The following CDS2 variants were observed in gnomAD, a reference collection of about 807,000 sequenced individuals.
CDS2 encodes the protein CDP-diacylglycerol synthase 2.
In CDS2, 47 loss-of-function variants were observed where a neutral mutation model predicts 59.0. The ratio of observed to expected loss-of-function variants is 0.80; its 90% CI spans 0.63 to 1.02. The LOEUF is 1.02. CDS2 is among the 50% of genes least tolerant of loss of function. The pLI is 0.00. For missense variants in CDS2, 356 were observed against 558.9 expected (o/e 0.64, Z 3.66); for synonymous variants, 207 against 206.4 (o/e 1.00, Z -0.02).
chr20:5,188,743 T>C (rs1761134994), intron 10 of CDS2, among the ~76,000 whole-genome samples: 1 of 152,172 alleles, frequency 6.6e-6, no homozygotes, highest in African/African-American at 2.4e-5. Flanking sequence ...TGAGGGCTTT[T>C]TATGCTGCAT....
intron 1 of CDS2, among the ~76,000 whole-genome samples, chr20:5,146,618 C>T (rs1052629790): frequency 2.0e-5 from 3 of 152,144 alleles, no homozygotes; most frequent in Non-Finnish European, 4.4e-5. Context: ...CTGGATGTTG[C>T]TGTTATTTAT....
chr20:5,173,865 C>G (rs1037187397), intron 2 of CDS2, among the ~76,000 whole-genome samples: 18 of 152,158 alleles, frequency 1.2e-4, no homozygotes, highest in Admixed American at 1.1e-3. Context: ...GGAGGGCAAC[C>G]AAGGCTGGAA....
rs115717936 is a variant in CDS2 at position 5,162,092 on chromosome 20, C to A, written c.58-11431C>A. ...AAAAATAAGTAGACTGTACAAGCTG[C>A]TGTATACCATGAAATAGTTTATGGA... On this transcript the variant is annotated intron_variant, in intron 1 of 12. Transcript: ENST00000460006. Among the ~76,000 whole-genome samples the A allele has an allele frequency of 5.9e-3, 906 of 152,278 alleles. 11 individuals carry two copies. Among genetic ancestry groups the A allele is most frequent in the African/African-American group, 0.021 (867 of 41,546 alleles).
intron 1 of CDS2, among the ~76,000 whole-genome samples, chr20:5,142,242 T>C (rs2090700468): frequency 6.6e-6 from 1 of 151,824 alleles, no homozygotes; most frequent in African/African-American, 2.4e-5. Context: ...AGGTCAGGAG[T>C]TTGAGACCAC....
intron 1 of CDS2, among the ~76,000 whole-genome samples, chr20:5,155,872 C>T (rs533969973): frequency 6.6e-6 from 1 of 151,996 alleles, no homozygotes; most frequent in Admixed American, 6.6e-5. Context: ...GGAGAAAAGA[C>T]TGAGAGTAAA....
intron 1 of CDS2, among the ~76,000 whole-genome samples, chr20:5,156,172 A>G (rs1281211495): frequency 1.3e-5 from 2 of 152,328 alleles, no homozygotes; most frequent in African/African-American, 2.4e-5. Context: ...TGCAGGCTTC[A>G]GCAAGGGTGC....
chr20:5,172,351 A>T (rs2090962210), intron 1 of CDS2, among the ~76,000 whole-genome samples: 1 of 152,216 alleles, frequency 6.6e-6, no homozygotes, highest in Non-Finnish European at 1.5e-5. Flanking sequence ...GTCTGAGAGA[A>T]CATATTAGTA....
intron 1 of CDS2, among the ~76,000 whole-genome samples, chr20:5,150,523 A>C (rs2090780279): frequency 6.6e-6 from 1 of 152,218 alleles, no homozygotes; most frequent in African/African-American, 2.4e-5. Context: ...CAGGGCCATG[A>C]GGAGTGGGGC....
At chr20:5,172,028 T>G (rs1382848262) in intron 1 of CDS2, among the ~76,000 whole-genome samples, 1 of 152,232 alleles carries the variant, frequency 6.6e-6, no homozygotes, top group Non-Finnish European at 1.5e-5. Flanking sequence ...TAAGGCCCTC[T>G]GTCTTGTCAC....
intron 1 of CDS2, among the ~76,000 whole-genome samples, chr20:5,173,093 A>G (rs530530836): frequency 2.6e-5 from 4 of 152,328 alleles, no homozygotes; most frequent in Admixed American, 2.0e-4. Context: ...ACATGTTGAC[A>G]TTAACAGGTC....
rs532392860 is a variant in CDS2 at position 5,190,911 on chromosome 20, A to G, written c.*677A>G. ...ATTTATAATAGTCTGGAGAAAAAAC[A>G]CACTGTAATATTTCAAGTGTATGCA... On this transcript the variant is annotated 3_prime_UTR_variant, in exon 13 of 13. Transcript: ENST00000460006. 6.5e-6 allele frequency: 1 copy of G among 152,762 alleles called. No individual in the cohort carries two copies. The highest frequency in any genetic ancestry group is 6.5e-5 in the Admixed American group (1 of 15,306). 9.5% of individuals were successfully genotyped at this position (152,762 alleles called of 1,614,324 possible).
chr20:5,168,863 C>A (rs1030837865), intron 1 of CDS2, among the ~76,000 whole-genome samples: 1 of 152,204 alleles, frequency 6.6e-6, no homozygotes, highest in Non-Finnish European at 1.5e-5. Context: ...CCTTCTCTTG[C>A]TTCTGTTATG....
intron 10 of CDS2, among the ~76,000 whole-genome samples, chr20:5,188,154 A>G (rs1269390649): frequency 1.3e-5 from 2 of 152,178 alleles, no homozygotes; most frequent in Non-Finnish European, 2.9e-5. Context: ...GAAGATTTAC[A>G]TAACTCAGTG....
At position 5,190,902 on chromosome 20, in the gene CDS2, A is replaced by AG. The variant is rs2091109405; in HGVS notation, c.*669dup. The AG allele has an allele frequency of 2.0e-5, 3 of 152,610 alleles. No individual in the cohort carries two copies. Among genetic ancestry groups the AG allele is most frequent in the Non-Finnish European group, 4.4e-5 (3 of 68,034 alleles). 9.5% of individuals were successfully genotyped at this position (152,610 alleles called of 1,614,324 possible). A position where few individuals can be genotyped will look rare whatever the true frequency, so the allele number is the denominator to read the frequency against. On this transcript the variant is annotated 3_prime_UTR_variant, in exon 13 of 13. Transcript: ENST00000460006. ...CGAAAAATTATTTATAATAGTCTGG[A>AG]GAAAAAACACACTGTAATATTTCAA...
intron 1 of CDS2, 118 bp from the exon 2 acceptor site, chr20:5,173,405 C>A: frequency 1.7e-6 from 2 of 1,144,460 alleles, no homozygotes; most frequent in Non-Finnish European, 1.3e-6. Flanking sequence ...CTGACTGTGC[C>A]AGGTTCTTAG....
chr20:5,146,333 G>A (rs144553400), intron 1 of CDS2, among the ~76,000 whole-genome samples: 1 of 152,206 alleles, frequency 6.6e-6, no homozygotes, highest in Non-Finnish European at 1.5e-5. Flanking sequence ...TTTAGTTTGA[G>A]GTGGGTGATG....
In CDS2 at chr20:5,163,980, G is replaced by A. The variant is rs539445927; in HGVS notation, c.58-9543G>A. On this transcript the variant is annotated intron_variant, in intron 1 of 12. Coordinates refer to ENST00000460006, the MANE Select transcript of CDS2 (RefSeq NM_003818.4). ...TAATTTTTGTGTTTTTAGTAGAGACGGAGTTTCACCATGTCGGCCAGGCTG... is the reference window on the plus strand; with the variant it reads ...TAATTTTTGTGTTTTTAGTAGAGACAGAGTTTCACCATGTCGGCCAGGCTG... Among the ~76,000 whole-genome samples, 12 of 151,540 alleles carry A rather than the reference G, an allele frequency of 7.9e-5. No individual in the cohort carries two copies. In the South Asian group the frequency reaches 1.0e-3, roughly 13 times the overall value.
In CDS2 at chr20:5,182,374, C is replaced by T. The variant is rs1172566452; in HGVS notation, c.530-13C>T. 6.2e-7 allele frequency: 1 copy of T among 1,603,946 alleles called. No homozygotes were observed. The highest frequency in any genetic ancestry group is 2.3e-5 in the East Asian group (1 of 44,240). ...ATAATTCATTTTTCTTTTCTCCTCC[C>T]ACCTCAAACTAGGATTCTGCATGTT... On this transcript the variant is annotated splice_polypyrimidine_tract_variant and intron_variant, in intron 5 of 12. Transcript: ENST00000460006.
intron 1 of CDS2, among the ~76,000 whole-genome samples, chr20:5,146,963 G>A (rs2090748691): frequency 6.6e-6 from 1 of 152,196 alleles, no homozygotes; most frequent in Admixed American, 6.5e-5. Flanking sequence ...ACTTCAGTAA[G>A]GAGGAAGGAG....
Sources: allele counts gnomAD v4.1 joint callset (sites outside exome capture counted in the v4.1 genomes callset), GRCh38; gene constraint gnomAD v4.1.1; transcripts MANE v1.5; gene names NCBI Gene and HGNC (gene_info 2026-07-23, HGNC 2026-07-21).